COBL: variants seen among roughly 807,000 people sequenced by gnomAD.
COBL encodes the protein cordon-bleu WH2 repeat protein, also known as protein cordon-bleu.
COBL carries 51 observed loss-of-function variants against 98.8 expected under a neutral mutation model. The ratio of observed to expected loss-of-function variants is 0.52; its 90% CI spans 0.41 to 0.65. The LOEUF is 0.65. COBL is among the 30% of genes least tolerant of loss of function. The pLI, the probability that COBL is intolerant of heterozygous loss-of-function variation, is 0.00. For missense variants in COBL, 1,617 were observed against 1,617.5 expected (o/e 1.00, Z 0.01); for synonymous variants, 634 against 651.7 (o/e 0.97, Z 0.41).
intron 6 of COBL, among the ~76,000 whole-genome samples, chr7:51,130,708 T>C (rs1027069957): frequency 1.1e-4 from 17 of 152,160 alleles, no homozygotes; most frequent in Non-Finnish European, 1.9e-4. Context: ...CACACCAGAG[T>C]GACTGATGAT....
Position 51,184,139 on chromosome 7 carries a change from A to T in COBL, c.746T>A (p.Leu249Gln). Reference protein sequence around the residue: ...DETDKEKKKFLGFFKVNKRSN... With the variant: ...DETDKEKKKFQGFFKVNKRSN... ...TCTTTTATTAACTTTGAAAAATCCC[A>T]GAAATTTTTTCTTCTCTTTATCTGT... The change falls in exon 5 of 13, where the codon CTG becomes CAG. Residue 249 changes from leucine (L) to glutamine (Q), a missense_variant. Physicochemically the swap from Leu to Gln is moderately radical, Grantham distance 113. Around this residue, in one of 3 missense-constraint regions of COBL, gnomAD observed 75 missense variants for 120.5 expected, o/e 0.62. Coordinates refer to ENST00000265136, the MANE Select transcript of COBL (RefSeq NM_015198.5). 2 of 1,566,844 alleles carry T rather than the reference A, an allele frequency of 1.3e-6. No individual in the cohort carries two copies. Among genetic ancestry groups the T allele is most frequent in the Non-Finnish European group, 1.7e-6 (2 of 1,152,836 alleles).
At chr7:51,174,582 T>C (rs73697822) in intron 5 of COBL, among the ~76,000 whole-genome samples, 19,331 of 152,156 alleles carry the variant, frequency 0.13, 1,732 homozygotes, top group African/African-American at 0.25. Flanking sequence ...CTTGAGGCCA[T>C]CTGCTATGTG....
intron 2 of COBL, among the ~76,000 whole-genome samples, chr7:51,203,380 T>G (rs1262289963): frequency 2.7e-5 from 3 of 110,848 alleles, no homozygotes; most frequent in African/African-American, 1.3e-4. Flanking sequence ...GAGAATGGCG[T>G]GAACCCGGGA....
At chr7:51,226,548 A>AGTGAGTGAGTGAGTG (rs201062705) in intron 1 of COBL, among the ~76,000 whole-genome samples, 3 of 61,166 alleles carry the variant, frequency 4.9e-5, no homozygotes, top group African/African-American at 1.3e-4. Flanking sequence ...GTGAGTGAGT[A>AGTGAGTGAGTGAGTG]AGTGAGTGAC....
At chr7:51,263,489 C>A (rs1203688100) in intron 1 of COBL, among the ~76,000 whole-genome samples, 1 of 152,132 alleles carries the variant, frequency 6.6e-6, no homozygotes, top group Non-Finnish European at 1.5e-5. Context: ...CTGCAAAGTG[C>A]TGGCAAGGGC....
intron 5 of COBL, among the ~76,000 whole-genome samples, chr7:51,166,503 A>G (rs1337643083): frequency 2.6e-5 from 4 of 152,116 alleles, no homozygotes; most frequent in Admixed American, 2.6e-4. Flanking sequence ...TGGTGTCTTC[A>G]CTGCTAAATT....
At chr7:51,152,769 T>A (rs1785688860) in intron 5 of COBL, among the ~76,000 whole-genome samples, 1 of 152,242 alleles carries the variant, frequency 6.6e-6, no homozygotes, top group African/African-American at 2.4e-5. Flanking sequence ...TTTCTCATCC[T>A]TGTTGTATGA....
intron 7 of COBL, among the ~76,000 whole-genome samples, chr7:51,058,581 C>CAACAAG (rs1381269539): frequency 7.1e-6 from 1 of 140,804 alleles, no homozygotes; most frequent in Non-Finnish European, 1.5e-5. Context: ...ACAACAACAA[C>CAACAAG]AACAACACAA....
intron 7 of COBL, among the ~76,000 whole-genome samples, chr7:51,063,010 G>C (rs1181050649): frequency 2.6e-5 from 4 of 152,136 alleles, no homozygotes; most frequent in Non-Finnish European, 5.9e-5. Context: ...GCTGTAGGGG[G>C]CACACCTTCA....
chr7:51,192,452 A>C (rs967965446), intron 3 of COBL, among the ~76,000 whole-genome samples: 1 of 152,100 alleles, frequency 6.6e-6, no homozygotes, highest in South Asian at 2.1e-4. Flanking sequence ...TACTAAATAC[A>C]CAAATTAGCC....
At chr7:51,082,656 GCT>G (rs1350895333) in intron 7 of COBL, among the ~76,000 whole-genome samples, 5 of 149,628 alleles carry the variant, frequency 3.3e-5, no homozygotes, top group Admixed American at 1.3e-4. Flanking sequence ...CGTCCTCCCA[GCT>G]CTTGAGTGCG....
At chr7:51,166,768 A>G (rs1235282905) in intron 5 of COBL, among the ~76,000 whole-genome samples, 1 of 152,148 alleles carries the variant, frequency 6.6e-6, no homozygotes, top group African/African-American at 2.4e-5. Context: ...GTCAAGAGAC[A>G]TTTATCCCTG....
chr7:51,117,754 A>G lies in COBL; in HGVS notation c.957+18404T>C, dbSNP rs182958874. Among the ~76,000 whole-genome samples the G allele has an allele frequency of 3.6e-4, 55 of 152,152 alleles. 1 individual carries two copies. In the Middle Eastern group the frequency reaches 0.01, roughly 28 times the overall value. On this transcript the variant is annotated intron_variant, in intron 6 of 12. Transcript: ENST00000265136. ...ATAGGTCGCATTTTCCTGGTTCTTCATATGTTAAATAATTTTGGCCTGCAT... is the reference window on the plus strand; with the variant it reads ...ATAGGTCGCATTTTCCTGGTTCTTCGTATGTTAAATAATTTTGGCCTGCAT...
intron 7 of COBL, among the ~76,000 whole-genome samples, chr7:51,069,624 G>T (rs1439836827): frequency 1.3e-5 from 2 of 152,226 alleles, no homozygotes; most frequent in Non-Finnish European, 2.9e-5. Context: ...AACTTTACCT[G>T]GCAGAGAGGA....
chr7:51,213,472 T>G (rs1174242763), intron 2 of COBL, among the ~76,000 whole-genome samples: 1 of 152,158 alleles, frequency 6.6e-6, no homozygotes, highest in Non-Finnish European at 1.5e-5. Flanking sequence ...GGAAAAACTG[T>G]CTTCCACAAA....
chr7:51,203,473 A>AG (rs1182579312), intron 2 of COBL, among the ~76,000 whole-genome samples: 3 of 141,156 alleles, frequency 2.1e-5, no homozygotes, highest in African/African-American at 5.8e-5. Flanking sequence ...AAAAAAAAAA[A>AG]AAAAAAAAAA....
rs111356477 is a variant in COBL at position 51,212,172 on chromosome 7, A to G, written c.245+7569T>C. On this transcript the variant is annotated intron_variant, in intron 2 of 12. Transcript: ENST00000265136. Reference sequence around the variant, plus strand: ...TGTGGTCTCTGATTTTAAACTTAATAGAATTATTATACTTCTTTAAAAATA... The same window carrying G: ...TGTGGTCTCTGATTTTAAACTTAATGGAATTATTATACTTCTTTAAAAATA... 9.2e-3 allele frequency among the ~76,000 whole-genome samples: 1,402 copies of G among 152,348 alleles called. 20 individuals are homozygous for G. Among genetic ancestry groups the G allele is most frequent in the African/African-American group, 0.032 (1,322 of 41,586 alleles).
Position 51,316,308 on chromosome 7 carries a change from C to T in COBL, c.41+285G>A, listed in dbSNP as rs1189838905. 4 of 277,700 alleles carry T rather than the reference C, an allele frequency of 1.4e-5. No individual in the cohort carries two copies. The East Asian group carries it at 2.6e-4, about 18-fold the overall frequency. The allele number at this position is 277,700 out of a possible 1,614,324, so 17.2% of individuals were successfully genotyped here. A position where few individuals can be genotyped will look rare whatever the true frequency, so the allele number is the denominator to read the frequency against. On this transcript the variant is annotated intron_variant, in intron 1 of 12. Transcript: ENST00000265136. ...AGTGGGGGCTGTGCTGGCGGGGACC[C>T]CCATAAGGACGCCTGCATACAAACC...
At chr7:51,099,741 A>AT in intron 6 of COBL, among the ~76,000 whole-genome samples, 2 of 152,244 alleles carry the variant, frequency 1.3e-5, no homozygotes, top group South Asian at 4.2e-4. Flanking sequence ...TTTAACCACA[A>AT]TTTTTTAACC....
Sources: gnomAD v4.1 joint callset for allele counts (sites outside exome capture counted in the v4.1 genomes callset) on GRCh38, gnomAD v4.1.1 for gene constraint, gnomAD v4.1.1 regional missense constraint, MANE v1.5 for transcripts, NCBI Gene and HGNC (gene_info 2026-07-23, HGNC 2026-07-21) for gene names.